EXOC6B: variants seen among roughly 807,000 people sequenced by gnomAD.
The protein encoded by EXOC6B is exocyst complex component 6B.
A neutral mutation model predicts 113.5 loss-of-function variants in EXOC6B; 54 were observed. That is an observed-to-expected ratio of 0.48 (90% CI 0.38 to 0.60). The LOEUF (loss-of-function observed/expected upper bound fraction) is 0.60, where lower values mean the gene tolerates loss of function less well. Ranked by LOEUF, EXOC6B falls within the 20% of genes least tolerant of loss-of-function variation. The pLI is 0.00. For synonymous variants in EXOC6B, 357 were observed against 339.0 expected (o/e 1.05, Z -0.58); for missense variants, 797 against 977.5 (o/e 0.82, Z 2.46).
At chr2:72,460,187 C>T (rs1459746920) in intron 18 of EXOC6B, among the ~76,000 whole-genome samples, 3 of 152,168 alleles carry the variant, frequency 2.0e-5, no homozygotes, top group East Asian at 3.9e-4. Flanking sequence ...CTTCCTTACA[C>T]CTTATACAAA....
intron 5 of EXOC6B, among the ~76,000 whole-genome samples, chr2:72,725,145 C>G (rs1680225918): frequency 1.3e-5 from 2 of 152,072 alleles, no homozygotes; most frequent in South Asian, 4.2e-4. Context: ...ATCAAACTGC[C>G]TGAAAACAAA....
intron 20 of EXOC6B, among the ~76,000 whole-genome samples, chr2:72,195,356 T>A (rs368618907): frequency 6.6e-6 from 1 of 152,166 alleles, no homozygotes; most frequent in Non-Finnish European, 1.5e-5. Flanking sequence ...ATAATAACCA[T>A]GTACACATAC....
In EXOC6B at chr2:72,267,724, A is replaced by G. The variant is rs193036665; in HGVS notation, c.2196+67223T>C. Among the ~76,000 whole-genome samples, 585 of 152,206 alleles carry G rather than the reference A, an allele frequency of 3.8e-3. 2 individuals carry two copies. The highest frequency in any genetic ancestry group is 6.0e-3 in the Non-Finnish European group (409 of 67,970). ...ATATTGGTCTAAAATTCTCTTTTAA[A>G]GAGTCTAGCAGCATTTTGCCAATGC... On this transcript the variant is annotated intron_variant, in intron 20 of 21. Transcript: ENST00000272427.
At chr2:72,401,502 TATATATATATATACATATATAC>T (rs1693163626) in intron 18 of EXOC6B, among the ~76,000 whole-genome samples, 2 of 57,550 alleles carry the variant, frequency 3.5e-5, no homozygotes, top group African/African-American at 3.1e-4. Context: ...TACATATATA[TATATATATATATACATATATAC>T]ATATATATAT....
chr2:72,334,927 A>T lies in EXOC6B; in HGVS notation c.2196+20T>A, dbSNP rs577958359. ...ACACATCTTAAAAGAAAAACAAAAA[A>T]CAAAAACACAAAGACTTACTTGTCT... On this transcript the variant is annotated intron_variant, in intron 20 of 21. Coordinates refer to ENST00000272427, the MANE Select transcript of EXOC6B (RefSeq NM_015189.3). 3 of 1,612,138 alleles carry T rather than the reference A, an allele frequency of 1.9e-6. No individual in the cohort carries two copies. The African/African-American group carries it at 4.0e-5, about 22-fold the overall frequency.
intron 2 of EXOC6B, among the ~76,000 whole-genome samples, chr2:72,737,302 C>G (rs140553491): frequency 6.6e-6 from 1 of 151,998 alleles, no homozygotes; most frequent in East Asian, 1.9e-4. Flanking sequence ...CAAGATTGTG[C>G]CACTGAGCTC....
chr2:72,428,726 C>T (rs1695351832), intron 18 of EXOC6B, among the ~76,000 whole-genome samples: 1 of 152,172 alleles, frequency 6.6e-6, no homozygotes, highest in Middle Eastern at 3.2e-3. Flanking sequence ...AAGCAACACC[C>T]CAAAGATCCC....
chr2:72,578,190 A>G (rs745848281), intron 6 of EXOC6B, among the ~76,000 whole-genome samples: 1 of 152,024 alleles, frequency 6.6e-6, no homozygotes, highest in Non-Finnish European at 1.5e-5. Context: ...TCACCTTCCA[A>G]TTACAATCCC....
At chr2:72,341,484 T>TAC (rs1424059579) in intron 19 of EXOC6B, among the ~76,000 whole-genome samples, 1 of 152,128 alleles carries the variant, frequency 6.6e-6, no homozygotes, top group African/African-American at 2.4e-5. Flanking sequence ...TCAGACAAAA[T>TAC]ACACACTTTT....
At chr2:72,416,003 TTACAAC>T (rs1266309824) in intron 18 of EXOC6B, among the ~76,000 whole-genome samples, 1 of 152,162 alleles carries the variant, frequency 6.6e-6, no homozygotes, top group Non-Finnish European at 1.5e-5. Context: ...TCACTGTGAC[TTACAAC>T]TACAAGGGTT....
chr2:72,526,561 T>C (rs1020410914), intron 8 of EXOC6B, among the ~76,000 whole-genome samples: 1 of 152,024 alleles, frequency 6.6e-6, no homozygotes, highest in Non-Finnish European at 1.5e-5. Context: ...GCCTTTTGTA[T>C]AGTTAAGTGA....
At chr2:72,307,071 A>T (rs947904611) in intron 20 of EXOC6B, among the ~76,000 whole-genome samples, 1 of 152,086 alleles carries the variant, frequency 6.6e-6, no homozygotes, top group African/African-American at 2.4e-5. Context: ...TCCACATTAC[A>T]ATCAGAACAA....
intron 8 of EXOC6B, among the ~76,000 whole-genome samples, chr2:72,539,733 CGT>C (rs35689508): frequency 0.82 from 123,363 of 150,970 alleles, 51,519 homozygotes; most frequent in East Asian, 0.98. Flanking sequence ...GTGGGCTATG[CGT>C]GTGTGTGTGT....
At chr2:72,433,125 A>G (rs1489154410) in intron 18 of EXOC6B, among the ~76,000 whole-genome samples, 1 of 152,232 alleles carries the variant, frequency 6.6e-6, no homozygotes, top group African/African-American at 2.4e-5. Flanking sequence ...TTTTCTGCAC[A>G]TGGCTAGCCA....
chr2:72,352,069 A>T (rs575196806), intron 19 of EXOC6B, among the ~76,000 whole-genome samples: 74 of 152,308 alleles, frequency 4.9e-4, no homozygotes, highest in Non-Finnish European at 8.1e-4. Context: ...GATGGGTAAC[A>T]CCTAGTCATC....
intron 8 of EXOC6B, among the ~76,000 whole-genome samples, chr2:72,522,321 C>T (rs1701535535): frequency 6.6e-6 from 1 of 152,112 alleles, no homozygotes; most frequent in Non-Finnish European, 1.5e-5. Context: ...TGGTCAAATG[C>T]TCCAAAAGCC....
At chr2:72,524,223 T>C (rs1239146170) in intron 8 of EXOC6B, among the ~76,000 whole-genome samples, 1 of 151,264 alleles carries the variant, frequency 6.6e-6, no homozygotes, top group Non-Finnish European at 1.5e-5. Flanking sequence ...GTACTTTTCA[T>C]ACAGCCCCAT....
chr2:72,219,624 A>G (rs4852285), intron 20 of EXOC6B, among the ~76,000 whole-genome samples: 68,396 of 151,838 alleles, frequency 0.45, 20,573 homozygotes, highest in African/African-American at 0.86. Context: ...TCAAACAGGA[A>G]GAGGAAGGAA....
intron 16 of EXOC6B, among the ~76,000 whole-genome samples, chr2:72,481,954 T>C (rs1372598382): frequency 6.6e-6 from 1 of 152,212 alleles, no homozygotes; most frequent in Non-Finnish European, 1.5e-5. Flanking sequence ...TCCCAAAAAC[T>C]TGGAAAAGTA....
Sources: allele counts gnomAD v4.1 joint callset (sites outside exome capture counted in the v4.1 genomes callset), GRCh38; gene constraint gnomAD v4.1.1; transcripts MANE v1.5; gene names NCBI Gene and HGNC (gene_info 2026-07-23, HGNC 2026-07-21).